The following KCNQ1 variants were observed in gnomAD, a reference collection of about 807,000 sequenced individuals.
KCNQ1 encodes potassium voltage-gated channel subfamily KQT member 1.
Under a neutral mutation model 72.4 loss-of-function variants are expected in KCNQ1, and 49 were observed. The observed-to-expected ratio is 0.68, with a 90% CI of 0.54 to 0.86. The LOEUF (loss-of-function observed/expected upper bound fraction) is 0.86, where lower values mean the gene tolerates loss of function less well. KCNQ1 is among the 40% of genes least tolerant of loss of function. The pLI, the probability that KCNQ1 is intolerant of heterozygous loss-of-function variation, is 0.00. For missense variants in KCNQ1, 790 were observed against 945.1 expected, an observed-to-expected ratio of 0.84 and a Z score of 2.15; for synonymous variants, 450 against 412.6, an observed-to-expected ratio of 1.09 and a Z score of -1.10.
Position 2,613,944 on chromosome 11 carries a change from C to A in KCNQ1, c.1393+25090C>A. 1 of 398,552 alleles carries A rather than the reference C, an allele frequency of 2.5e-6. No homozygotes were observed. Among genetic ancestry groups the A allele is most frequent in the South Asian group, 1.3e-4 (1 of 7,848 alleles). 24.7% of individuals were successfully genotyped at this position (398,552 alleles called of 1,614,324 possible). A position where few individuals can be genotyped will look rare whatever the true frequency, so the allele number is the denominator to read the frequency against. On this transcript the variant is annotated intron_variant, in intron 10 of 15. Coordinates refer to ENST00000155840, the MANE Select transcript of KCNQ1 (RefSeq NM_000218.3). This position sits in a 1 kb window ranked among gnomAD's most constrained non-coding sequence, Gnocchi z 4.8. Reference sequence around the variant, plus strand: ...ATGCCCTTTTGAACTTTGCTTTTCTCACCTAACAACATCTCCTAGAAATCA... The same window carrying A: ...ATGCCCTTTTGAACTTTGCTTTTCTAACCTAACAACATCTCCTAGAAATCA...
rs1848465357 is a variant in KCNQ1 at position 2,579,362 on chromosome 11, C to T, written c.922-4073C>T. On this transcript the variant is annotated intron_variant, in intron 6 of 15. Coordinates refer to ENST00000155840, the MANE Select transcript of KCNQ1 (RefSeq NM_000218.3). This position sits in a 1 kb window ranked among gnomAD's most constrained non-coding sequence, Gnocchi z 6.0. ...CACACTGACCAGTGGGGTGTGCGTT[C>T]CCCGCTCGCCCCCACAGTTCCTGCC... Among the ~76,000 whole-genome samples the T allele has an allele frequency of 6.6e-6, 1 of 152,186 alleles. No homozygotes were observed.
chr11:2,494,978 T>A lies in KCNQ1; in HGVS notation c.387-32950T>A, dbSNP rs557655992. On this transcript the variant is annotated intron_variant, in intron 1 of 15. Transcript: ENST00000155840. This position sits in a 1 kb window ranked among gnomAD's most constrained non-coding sequence, Gnocchi z 4.6. Reference sequence around the variant, plus strand: ...TGAATCCGTCTGGTCCTGGGCTTTTTTTGGTTGGCAGGCTATTAATTACTG... The same window carrying A: ...TGAATCCGTCTGGTCCTGGGCTTTTATTGGTTGGCAGGCTATTAATTACTG... Among the ~76,000 whole-genome samples, 38 of 152,352 alleles carry A rather than the reference T, an allele frequency of 2.5e-4. No homozygotes were observed. Among genetic ancestry groups the A allele is most frequent in the African/African-American group, 8.7e-4 (36 of 41,588 alleles).
In KCNQ1 at chr11:2,538,034, G is replaced by C. The variant is rs1847764137; in HGVS notation, c.477+10016G>C. Among the ~76,000 whole-genome samples the C allele has an allele frequency of 6.6e-6, 1 of 152,146 alleles. No homozygotes were observed. The highest frequency in any genetic ancestry group is 2.4e-5 in the African/African-American group (1 of 41,434). On this transcript the variant is annotated intron_variant, in intron 2 of 15. Transcript: ENST00000155840. The surrounding 1 kb of genome is among the most constrained non-coding windows in gnomAD (Gnocchi z 6.7). The stretch of plus-strand genomic sequence containing the variant: ...ACTCAGCCTGCTTTGTTTTTATCCT[G>C]AGTCATTTGAGAGTAAGTTGGAGGC...
chr11:2,534,557 C>T (rs1338359670), intron 2 of KCNQ1, among the ~76,000 whole-genome samples: 1 of 152,212 alleles, frequency 6.6e-6, no homozygotes, highest in Non-Finnish European at 1.5e-5. Flanking sequence ...GACGAAGCCC[C>T]GTCCTGCACA....
Position 2,651,267 on chromosome 11 carries a change from CTT to C in KCNQ1, c.1394-10693_1394-10692del, listed in dbSNP as rs1459733941. 3 of 398,538 alleles carry C rather than the reference CTT, an allele frequency of 7.5e-6. No homozygotes were observed. Among genetic ancestry groups the C allele is most frequent in the Admixed American group, 4.4e-5 (1 of 22,726 alleles). The allele number at this position is 398,538 out of a possible 1,614,324, so 24.7% of individuals were successfully genotyped here. A position where few individuals can be genotyped will look rare whatever the true frequency, so the allele number is the denominator to read the frequency against. ...TTCAGGAATTAAGCTGTGCTGGTCACTTATTGAGAAAGAGCTTCATGGTGGGC... is the reference window on the plus strand; with the variant it reads ...TTCAGGAATTAAGCTGTGCTGGTCACATTGAGAAAGAGCTTCATGGTGGGC... On this transcript the variant is annotated intron_variant, in intron 10 of 15. Coordinates refer to ENST00000155840, the MANE Select transcript of KCNQ1 (RefSeq NM_000218.3). The surrounding 1 kb of genome is among the most constrained non-coding windows in gnomAD (Gnocchi z 6.1).
At position 2,679,881 on chromosome 11, in the gene KCNQ1, G is replaced by T. The variant is rs1271419744; in HGVS notation, c.1514+17800G>T. 1 of 398,128 alleles carries T rather than the reference G, an allele frequency of 2.5e-6. No individual in the cohort carries two copies. The highest frequency in any genetic ancestry group is 4.4e-5 in the Admixed American group (1 of 22,652). 24.7% of individuals were successfully genotyped at this position (398,128 alleles called of 1,614,324 possible). Reference sequence around the variant, plus strand: ...TTTCATATAAACTTAGAACTAGCACGCCTAATTTTTTTTTTATTTTTATTT... The same window carrying T: ...TTTCATATAAACTTAGAACTAGCACTCCTAATTTTTTTTTTATTTTTATTT... On this transcript the variant is annotated intron_variant, in intron 11 of 15. Coordinates refer to ENST00000155840, the MANE Select transcript of KCNQ1 (RefSeq NM_000218.3). This position sits in a 1 kb window ranked among gnomAD's most constrained non-coding sequence, Gnocchi z 4.8.
At chr11:2,675,994 C>T (rs1850287005) in intron 11 of KCNQ1, 1 of 398,540 alleles carries the variant, frequency 2.5e-6, no homozygotes, top group Admixed American at 4.4e-5. Context: ...CCCACCCAAC[C>T]CTAATTCCCA....
At chr11:2,454,193 A>T (rs1056603102) in intron 1 of KCNQ1, among the ~76,000 whole-genome samples, 2 of 152,188 alleles carry the variant, frequency 1.3e-5, no homozygotes, top group Admixed American at 6.5e-5. Context: ...GAAGCCTCCA[A>T]ATCTTAAAAG....
At chr11:2,607,746 T>C (rs533587155) in intron 10 of KCNQ1, among the ~76,000 whole-genome samples, 1 of 152,368 alleles carries the variant, frequency 6.6e-6, no homozygotes, top group South Asian at 2.1e-4. Context: ...CTGTTGATAA[T>C]GGTGTATTAC....
chr11:2,692,186 G>A lies in KCNQ1; in HGVS notation c.1514+30105G>A, dbSNP rs1225496630. ...ATCCTTTCAGTGGCACAAGTCAGAA[G>A]TTCTGGGGTCATTTCCGATACACCC... is the stretch of plus-strand genomic sequence containing the variant. On this transcript the variant is annotated intron_variant, in intron 11 of 15. Coordinates refer to ENST00000155840, the MANE Select transcript of KCNQ1 (RefSeq NM_000218.3). The A allele has an allele frequency of 1.5e-5, 6 of 398,642 alleles. No homozygotes were observed. The Admixed American group carries it at 2.6e-4, about 18-fold the overall frequency. The allele number at this position is 398,642 out of a possible 1,614,324, so 24.7% of individuals were successfully genotyped here.
chr11:2,740,224 G>A (rs1470856970), intron 11 of KCNQ1, among the ~76,000 whole-genome samples: 3 of 152,168 alleles, frequency 2.0e-5, no homozygotes, highest in Non-Finnish European at 4.4e-5. Context: ...AGGGAGGGTG[G>A]GGGATGGGGA....
intron 2 of KCNQ1, among the ~76,000 whole-genome samples, chr11:2,533,079 G>A (rs774612341): frequency 6.6e-6 from 1 of 152,242 alleles, no homozygotes; most frequent in Non-Finnish European, 1.5e-5. Context: ...TGCAGGACCC[G>A]CATGAGGGAT....
rs376549341 is a variant in KCNQ1 at position 2,602,874 on chromosome 11, A to C, written c.1393+14020A>C. ...TTTATTCATTGTAGCTTTCATTGTC[A>C]TCATCTCAACAGGGTACTTTACAGA... On this transcript the variant is annotated intron_variant, in intron 10 of 15. Transcript: ENST00000155840. The surrounding 1 kb of genome is among the most constrained non-coding windows in gnomAD (Gnocchi z 4.8). Among the ~76,000 whole-genome samples, 3 of 152,210 alleles carry C rather than the reference A, an allele frequency of 2.0e-5. No homozygotes were observed. The highest frequency in any genetic ancestry group is 1.3e-4 in the Admixed American group (2 of 15,282).
intron 10 of KCNQ1, among the ~76,000 whole-genome samples, chr11:2,597,168 A>G (rs1848744665): frequency 6.6e-6 from 1 of 152,230 alleles, no homozygotes. Context: ...TGATTATTAA[A>G]TATCAAAGAG....
intron 15 of KCNQ1, among the ~76,000 whole-genome samples, chr11:2,833,844 G>A (rs540799669): frequency 3.3e-5 from 5 of 152,358 alleles, no homozygotes; most frequent in Admixed American, 6.5e-5. Context: ...GCCAGGGGCC[G>A]TTCCGACAGG....
At chr11:2,625,052 C>T (rs888815903) in intron 10 of KCNQ1, 2 of 398,422 alleles carry the variant, frequency 5.0e-6, no homozygotes, top group Non-Finnish European at 8.8e-6. Context: ...CGTGGGTATA[C>T]AAATATATCT....
chr11:2,625,135 A>C (rs1849242871), intron 10 of KCNQ1: 1 of 398,564 alleles, frequency 2.5e-6, no homozygotes, highest in Non-Finnish European at 4.4e-6. Flanking sequence ...TCTGTTTTTA[A>C]TTTTTGAAGG....
chr11:2,690,779 G>A lies in KCNQ1; in HGVS notation c.1514+28698G>A, dbSNP rs956813874. 1 of 398,568 alleles carries A rather than the reference G, an allele frequency of 2.5e-6. No individual in the cohort carries two copies. Among genetic ancestry groups the A allele is most frequent in the Non-Finnish European group, 4.4e-6 (1 of 226,102 alleles). 24.7% of individuals were successfully genotyped at this position (398,568 alleles called of 1,614,324 possible). ...TTAGGTGGATGTGGCCTGGCAGGGGGTCAGCAGGAGGGAGGTCCCTGTCTC... is the reference window on the plus strand; with the variant it reads ...TTAGGTGGATGTGGCCTGGCAGGGGATCAGCAGGAGGGAGGTCCCTGTCTC... On this transcript the variant is annotated intron_variant, in intron 11 of 15. Transcript: ENST00000155840. This position sits in a 1 kb window ranked among gnomAD's most constrained non-coding sequence, Gnocchi z 5.1.
At chr11:2,589,612 G>A (rs1406255466) in intron 10 of KCNQ1, among the ~76,000 whole-genome samples, 1 of 152,248 alleles carries the variant, frequency 6.6e-6, no homozygotes, top group South Asian at 2.1e-4. Context: ...TGGCTCCCAC[G>A]AGTGAGGCCC....
Sources: gnomAD v4.1 joint callset for allele counts (sites outside exome capture counted in the v4.1 genomes callset) on GRCh38, gnomAD v4.1.1 for gene constraint, Gnocchi (gnomAD v3.1) non-coding constraint, MANE v1.5 for transcripts, NCBI Gene and HGNC (gene_info 2026-07-23, HGNC 2026-07-21) for gene names.